Variants in LARGE1 observed in about 807,000 individuals in gnomAD.
The protein encoded by LARGE1 is xylosyl- and glucuronyltransferase LARGE1.
A neutral mutation model predicts 87.6 loss-of-function variants in LARGE1; 43 were observed. The observed-to-expected ratio is 0.49, with a 90% CI of 0.38 to 0.63. LARGE1 has a LOEUF of 0.63. LARGE1 is among the 30% of genes least tolerant of loss of function. The pLI is 0.00. For synonymous variants in LARGE1, 434 were observed against 394.6 expected (o/e 1.10, Z -1.18); for missense variants, 802 against 1,000.2 (o/e 0.80, Z 2.67).
chr22:33,747,932 G>A (rs944464913), intron 2 of LARGE1: 1 of 147,518 alleles, frequency 6.8e-6, no homozygotes, highest in Admixed American at 6.9e-5. Context: ...ATCAACAGGT[G>A]CAATGGAGAG....
chr22:33,209,858 G>A (rs899610645), intron 11 of LARGE1, among the ~76,000 whole-genome samples: 30 of 151,842 alleles, frequency 2.0e-4, no homozygotes, highest in African/African-American at 5.6e-4. Context: ...TATTTTTTCC[G>A]GGCTGGTCTC....
the LARGE1 span, among the ~76,000 whole-genome samples, chr22:33,127,381 T>C: frequency 6.6e-6 from 1 of 152,198 alleles, no homozygotes; most frequent in African/African-American, 2.4e-5. Flanking sequence ...TAGTGAATTC[T>C]GAACAAGACA....
rs1400617223 is a variant in LARGE1, at chr22:33,233,302, T to TG, written c.1731-66471_1731-66470insC. On this transcript the variant is annotated intron_variant, in intron 11 of 11. Transcript: ENST00000608642. ...TTAGTGATGATGATGATGATGATGA[T>TG]AATGATGATGACAATGATGATGATA... Among the ~76,000 whole-genome samples, 1,265 of 152,086 alleles carry TG rather than the reference T, an allele frequency of 8.3e-3. 20 individuals carry two copies. Among genetic ancestry groups the TG allele is most frequent in the African/African-American group, 0.029 (1,186 of 41,466 alleles).
At chr22:33,347,677 C>G (rs549277170) in intron 9 of LARGE1, among the ~76,000 whole-genome samples, 1 of 152,298 alleles carries the variant, frequency 6.6e-6, no homozygotes, top group African/African-American at 2.4e-5. Flanking sequence ...GAGGAGCAGA[C>G]AAACCTACAA....
chr22:33,573,300 G>A (rs1233373588), intron 5 of LARGE1, among the ~76,000 whole-genome samples: 4 of 152,048 alleles, frequency 2.6e-5, no homozygotes, highest in African/African-American at 7.2e-5. Flanking sequence ...TTAGCCGGGC[G>A]TGGTGGTGTG....
Position 33,272,537 on chromosome 22 carries a change from T to C in LARGE1, c.*1890A>G, listed in dbSNP as rs1928359900. ...CAAAATTTTTGTTCTGCTTTATACATATATGTCACTTTTTATTTATAAATG... is the reference window on the plus strand; with the variant it reads ...CAAAATTTTTGTTCTGCTTTATACACATATGTCACTTTTTATTTATAAATG... On this transcript the variant is annotated 3_prime_UTR_variant, in exon 15 of 15. Transcript: ENST00000397394. Among the ~76,000 whole-genome samples, 4 of 152,314 alleles carry C rather than the reference T, an allele frequency of 2.6e-5. No individual in the cohort carries two copies. Among genetic ancestry groups the C allele is most frequent in the Middle Eastern group, 6.8e-3 (2 of 294 alleles).
the LARGE1 span, among the ~76,000 whole-genome samples, chr22:33,104,928 T>C: frequency 6.8e-6 from 1 of 146,258 alleles, no homozygotes; most frequent in South Asian, 2.2e-4. Flanking sequence ...TCTTTCTTTC[T>C]TTCTTTCTTT....
intron 11 of LARGE1, among the ~76,000 whole-genome samples, chr22:33,182,139 C>G (rs1325113382): frequency 6.6e-6 from 1 of 152,100 alleles, no homozygotes; most frequent in Non-Finnish European, 1.5e-5. Flanking sequence ...TTACTTTTGA[C>G]TAATTTGCAG....
the LARGE1 span, chr22:33,108,973 TAATAAAAGTGTC>T: frequency 6.6e-6 from 1 of 152,100 alleles, no homozygotes; most frequent in Non-Finnish European, 1.5e-5. Flanking sequence ...TATAATGAGG[TAATAAAAGTGTC>T]AAGCTGATGA....
chr22:33,301,122 T>G (rs1420134389), intron 12 of LARGE1, among the ~76,000 whole-genome samples: 1 of 152,160 alleles, frequency 6.6e-6, no homozygotes, highest in African/African-American at 2.4e-5. Flanking sequence ...CCACCAGTGA[T>G]GCTATGGTGT....
intron 1 of LARGE1, among the ~76,000 whole-genome samples, chr22:33,814,287 G>A (rs929259036): frequency 1.3e-5 from 2 of 152,148 alleles, no homozygotes; most frequent in East Asian, 1.9e-4. Context: ...GCACATGTCA[G>A]GCAAGCAAAT....
chr22:33,428,101 C>T (rs751537031), intron 7 of LARGE1, among the ~76,000 whole-genome samples: 2 of 152,066 alleles, frequency 1.3e-5, no homozygotes, highest in South Asian at 2.1e-4. Flanking sequence ...TCTTTCTGAC[C>T]AAAGGGCTTG....
intron 10 of LARGE1, among the ~76,000 whole-genome samples, chr22:33,325,893 T>C (rs1601454992): frequency 6.6e-6 from 1 of 152,324 alleles, no homozygotes; most frequent in East Asian, 1.9e-4. Context: ...CTTAGGGCCC[T>C]CAGTTGACAG....
At chr22:33,388,686 A>C (rs572947395) in intron 7 of LARGE1, among the ~76,000 whole-genome samples, 1 of 152,228 alleles carries the variant, frequency 6.6e-6, no homozygotes, top group African/African-American at 2.4e-5. Context: ...CTGCCTCAGC[A>C]TCCCAAGTAA....
chr22:33,820,701 T>C (rs1219197707), intron 1 of LARGE1, among the ~76,000 whole-genome samples: 1 of 152,164 alleles, frequency 6.6e-6, no homozygotes, highest in African/African-American at 2.4e-5. Flanking sequence ...ACAGCAATTA[T>C]ATTGCCAGGC....
chr22:33,258,311 T>G (rs895894960), intron 11 of LARGE1, among the ~76,000 whole-genome samples: 1 of 152,126 alleles, frequency 6.6e-6, no homozygotes, highest in African/African-American at 2.4e-5. Context: ...GGATTACAGG[T>G]GTTAGCCACC....
chr22:33,734,019 A>C (rs1018918016), intron 2 of LARGE1, among the ~76,000 whole-genome samples: 1 of 152,236 alleles, frequency 6.6e-6, no homozygotes, highest in African/African-American at 2.4e-5. Context: ...GAAGGGTGTC[A>C]GGGAGGGATA....
intron 11 of LARGE1, among the ~76,000 whole-genome samples, chr22:33,175,040 T>C (rs1397700640): frequency 6.6e-6 from 1 of 152,044 alleles, no homozygotes; most frequent in Non-Finnish European, 1.5e-5. Flanking sequence ...AAAAGAAAAT[T>C]TCAGGCCAAT....
At chr22:33,284,597 A>G (rs1602236406) in intron 12 of LARGE1, among the ~76,000 whole-genome samples, 2 of 149,694 alleles carry the variant, frequency 1.3e-5, no homozygotes, top group Non-Finnish European at 3.0e-5. Flanking sequence ...TTTTTTTTGG[A>G]GATGGAGTCT....
Sources: allele counts gnomAD v4.1 joint callset (sites outside exome capture counted in the v4.1 genomes callset), GRCh38; gene constraint gnomAD v4.1.1; transcripts MANE v1.5; gene names NCBI Gene and HGNC (gene_info 2026-07-23, HGNC 2026-07-21).